SORCS2: variants seen among roughly 807,000 people sequenced by gnomAD.
SORCS2 encodes the protein sortilin related VPS10 domain containing receptor 2.
A neutral mutation model predicts 141.6 loss-of-function variants in SORCS2; 100 were observed. The ratio of observed to expected loss-of-function variants is 0.71; its 90% CI spans 0.60 to 0.83. The LOEUF is 0.83. SORCS2 is among the 40% of genes least tolerant of loss of function. The pLI, the probability that SORCS2 is intolerant of heterozygous loss-of-function variation, is 0.00. For missense variants in SORCS2, 1,646 were observed against 1,560.2 expected (o/e 1.05, Z -0.93); for synonymous variants, 789 against 676.9 (o/e 1.17, Z -2.57).
At chr4:7,732,945 C>A (rs1711817531) in intron 23 of SORCS2, among the ~76,000 whole-genome samples, 1 of 151,928 alleles carries the variant, frequency 6.6e-6, no homozygotes. Context: ...CACACTGGTC[C>A]ACCCAGCTCT....
intron 1 of SORCS2, among the ~76,000 whole-genome samples, chr4:7,221,640 C>G (rs11931821): frequency 0.097 from 14,825 of 152,222 alleles, 994 homozygotes; most frequent in East Asian, 0.23. Context: ...ACCGGAGAAA[C>G]AGCGAAGGAA....
chr4:7,702,954 T>C (rs1725175935), intron 12 of SORCS2, among the ~76,000 whole-genome samples: 1 of 152,234 alleles, frequency 6.6e-6, no homozygotes, highest in Non-Finnish European at 1.5e-5. Flanking sequence ...TCTGTTTCTT[T>C]CTCATCTTCA....
At chr4:7,392,034 T>G (rs1018144096) in intron 1 of SORCS2, among the ~76,000 whole-genome samples, 2 of 152,198 alleles carry the variant, frequency 1.3e-5, no homozygotes, top group Non-Finnish European at 2.9e-5. Flanking sequence ...CACAAAGCCC[T>G]CGTTCAGACA....
chr4:7,541,877 T>C (rs1712693977), intron 3 of SORCS2, among the ~76,000 whole-genome samples: 1 of 152,228 alleles, frequency 6.6e-6, no homozygotes, highest in South Asian at 2.1e-4. Context: ...GTCAACTGTT[T>C]TGATTCCAGG....
chr4:7,456,303 GTGAATGAATGAA>G (rs199612269), intron 2 of SORCS2, among the ~76,000 whole-genome samples: 7 of 152,096 alleles, frequency 4.6e-5, no homozygotes, highest in Admixed American at 3.9e-4. Flanking sequence ...TGTTTGTGAT[GTGAATGAATGAA>G]TGAATGAATG....
intron 3 of SORCS2, among the ~76,000 whole-genome samples, chr4:7,602,710 G>C (rs1053521146): frequency 1.3e-5 from 2 of 150,242 alleles, no homozygotes; most frequent in Non-Finnish European, 3.0e-5. Context: ...TCACATCCCA[G>C]ACGATGGGCG....
chr4:7,724,621 ATGGTGATGG>A lies in SORCS2; in HGVS notation c.2612-520_2612-512del, dbSNP rs1484502315. 1.5e-4 allele frequency among the ~76,000 whole-genome samples: 8 copies of A among 52,484 alleles called. 1 individual carries two copies. The highest frequency in any genetic ancestry group is 2.5e-4 in the African/African-American group (3 of 11,960). The allele number at this position is 52,484 out of a possible 152,430, so 34.4% of individuals were successfully genotyped here. On this transcript the variant is annotated intron_variant, in intron 19 of 26. Coordinates refer to ENST00000507866, the MANE Select transcript of SORCS2 (RefSeq NM_020777.3). ...GATGGTGGTGATAGTGCTGGTGAGG[ATGGTGATGG>A]TGGTGATGGTGGAGGTGATGGTGGT...
intron 20 of SORCS2, 50 bp from the exon 21 acceptor site, chr4:7,726,730 G>A (rs1406873721): frequency 1.1e-5 from 17 of 1,594,644 alleles, no homozygotes; most frequent in Non-Finnish European, 1.4e-5. Context: ...CGTCCCCCAC[G>A]GCCGCTGCCT....
intron 1 of SORCS2, among the ~76,000 whole-genome samples, chr4:7,270,900 G>A (rs1260436747): frequency 6.6e-6 from 1 of 152,236 alleles, no homozygotes; most frequent in East Asian, 1.9e-4. Context: ...GGTTGTTTAG[G>A]ATACTTACGT....
intron 1 of SORCS2, among the ~76,000 whole-genome samples, chr4:7,246,457 T>C (rs72488935): frequency 4.9e-5 from 6 of 121,984 alleles, no homozygotes; most frequent in Middle Eastern, 3.8e-3. Context: ...ACATCTCACC[T>C]GGGGCTTAAA....
At chr4:7,724,169 G>GTGGTGGTGGTGGTGATGGTGA (rs1726834299) in intron 19 of SORCS2, among the ~76,000 whole-genome samples, 4 of 147,474 alleles carry the variant, frequency 2.7e-5, no homozygotes, top group African/African-American at 1.0e-4. Flanking sequence ...GGTGATGGTG[G>GTGGTGGTGGTGGTGATGGTGA]TGATGGTGAT....
At chr4:7,536,845 C>A (rs11299510) in intron 3 of SORCS2, among the ~76,000 whole-genome samples, 9 of 8,092 alleles carry the variant, frequency 1.1e-3, no homozygotes, top group Non-Finnish European at 1.7e-3. Context: ...GGGGGGGGGG[C>A]GGGCAGGGCC....
At chr4:7,346,820 T>C (rs931165576) in intron 1 of SORCS2, among the ~76,000 whole-genome samples, 3 of 152,342 alleles carry the variant, frequency 2.0e-5, no homozygotes, top group African/African-American at 7.2e-5. Flanking sequence ...TGTCAGACAA[T>C]GCTAGTTTCT....
intron 19 of SORCS2, among the ~76,000 whole-genome samples, chr4:7,724,740 TAGTGGTGATGGTGGTGGTG>T (rs1727014017): frequency 1.6e-5 from 2 of 126,038 alleles, no homozygotes; most frequent in African/African-American, 7.0e-5. Flanking sequence ...ATGGTGGTAG[TAGTGGTGATGGTGGTGGTG>T]TTGGTGATGA....
intron 1 of SORCS2, among the ~76,000 whole-genome samples, chr4:7,378,631 T>TA (rs548733096): frequency 9.1e-4 from 139 of 152,250 alleles, no homozygotes; most frequent in Non-Finnish European, 1.6e-3. Flanking sequence ...ACGTGGAGAT[T>TA]ATTGCAATTC....
rs111444543 is a variant in SORCS2, at chr4:7,219,642, G to A, written c.480+26516G>A. ...GATGCTTATAAAACCATCAGATCTCGTGAGAACTCACTCACTAATCCGAGA... is the reference window on the plus strand; with the variant it reads ...GATGCTTATAAAACCATCAGATCTCATGAGAACTCACTCACTAATCCGAGA... On this transcript the variant is annotated intron_variant, in intron 1 of 26. Coordinates refer to ENST00000507866, the MANE Select transcript of SORCS2 (RefSeq NM_020777.3). Among the ~76,000 whole-genome samples, 678 of 152,292 alleles carry A rather than the reference G, an allele frequency of 4.5e-3. 5 individuals are homozygous for A. Among genetic ancestry groups the A allele is most frequent in the African/African-American group, 0.015 (633 of 41,562 alleles).
chr4:7,426,821 G>T (rs1413991882), intron 2 of SORCS2, among the ~76,000 whole-genome samples: 1 of 152,208 alleles, frequency 6.6e-6, no homozygotes, highest in Non-Finnish European at 1.5e-5. Context: ...CGCACCGGCA[G>T]TGAAGCCCGT....
intron 2 of SORCS2, among the ~76,000 whole-genome samples, chr4:7,465,514 C>G (rs529504354): frequency 1.3e-5 from 2 of 152,064 alleles, no homozygotes; most frequent in East Asian, 1.9e-4. Context: ...GGAGCTGGAG[C>G]CATCTCCTTT....
At chr4:7,691,924 G>A (rs571387995) in intron 11 of SORCS2, among the ~76,000 whole-genome samples, 3 of 151,992 alleles carry the variant, frequency 2.0e-5, no homozygotes, top group South Asian at 4.2e-4. Flanking sequence ...CAGGAGTCAT[G>A]CAAAGCACCG....
Sources: gnomAD v4.1 joint callset for allele counts (sites outside exome capture counted in the v4.1 genomes callset) on GRCh38, gnomAD v4.1.1 for gene constraint, MANE v1.5 for transcripts, NCBI Gene and HGNC (gene_info 2026-07-23, HGNC 2026-07-21) for gene names.